The following SYNJ1 variants were observed in gnomAD, a reference collection of about 807,000 sequenced individuals.
The protein encoded by SYNJ1 is synaptojanin 1, also known as polyphosphatidylinositol phosphatase SYNJ1.
SYNJ1 carries 78 observed loss-of-function variants against 168.2 expected under a neutral mutation model. That is an observed-to-expected ratio of 0.46 (90% confidence interval 0.39 to 0.56). The LOEUF (loss-of-function observed/expected upper bound fraction) is 0.56, where lower values mean the gene tolerates loss of function less well. Ranked by LOEUF, SYNJ1 falls within the 20% of genes least tolerant of loss-of-function variation. SYNJ1 has a pLI of 0.00. For missense variants in SYNJ1, 1,303 were observed against 1,597.6 expected (o/e 0.82, Z 3.14); for synonymous variants, 539 against 548.6 (o/e 0.98, Z 0.24).
chr21:32,690,362 CA>C (rs2041978471), intron 6 of SYNJ1, among the ~76,000 whole-genome samples: 2 of 152,186 alleles, frequency 1.3e-5, no homozygotes, highest in Admixed American at 1.3e-4. Context: ...CACACGTCAC[CA>C]TGCCCGAATG....
intron 13 of SYNJ1, among the ~76,000 whole-genome samples, 159 bp downstream of exon 13, chr21:32,676,170 ATTC>A (rs1472825159): frequency 1.3e-5 from 2 of 152,238 alleles, no homozygotes; most frequent in Non-Finnish European, 2.9e-5. Flanking sequence ...CAAGCTTGAA[ATTC>A]TTTTCTCAGA....
At chr21:32,654,904 T>G (rs1164782843) in intron 21 of SYNJ1, among the ~76,000 whole-genome samples, 1 of 152,166 alleles carries the variant, frequency 6.6e-6, no homozygotes, top group East Asian at 1.9e-4. Context: ...GACTAAAAGG[T>G]AATAATCAGT....
rs772164147 is a variant in SYNJ1 at position 32,670,279 on chromosome 21, C to T, written c.1811+9G>A. The T allele has an allele frequency of 6.2e-7, 1 of 1,611,446 alleles. No individual in the cohort carries two copies. The highest frequency in any genetic ancestry group is 8.5e-7 in the Non-Finnish European group (1 of 1,178,888). The stretch of plus-strand genomic sequence containing the variant: ...CAAATTTTTCAGTGGATTAATGTGG[C>T]TAGCTTACCTTGCACTCACAATGTT... On this transcript the variant is annotated intron_variant, in intron 15 of 32. Transcript: ENST00000674351.
chr21:32,700,120 G>C lies in SYNJ1; in HGVS notation c.212-15C>G, dbSNP rs759229598. 6.4e-7 allele frequency: 1 copy of C among 1,567,910 alleles called. No individual in the cohort carries two copies. The highest frequency in any genetic ancestry group is 1.4e-5 in the African/African-American group (1 of 72,864). ...CATAGTATCACCTGCAAAACCCAAA[G>C]ATTTTACTGGATGAAAAATCCCAAC... is the stretch of plus-strand genomic sequence containing the variant. On this transcript the variant is annotated splice_polypyrimidine_tract_variant and intron_variant, in intron 3 of 32. Transcript: ENST00000674351.
intron 23 of SYNJ1, among the ~76,000 whole-genome samples, chr21:32,646,821 G>A (rs985038404): frequency 2.6e-5 from 4 of 152,190 alleles, no homozygotes; most frequent in African/African-American, 9.6e-5. Flanking sequence ...TGAGCAATAA[G>A]ATGTCAGGTG....
chr21:32,694,410 C>T, intron 5 of SYNJ1, 99 bp from the exon 6 acceptor site: 1 of 826,378 alleles, frequency 1.2e-6, no homozygotes, highest in East Asian at 3.3e-5. Flanking sequence ...ATACTAGTTA[C>T]ATTTTATGAT....
At chr21:32,727,804 C>G in intron 1 of SYNJ1, 142 bp downstream of exon 1, 1 of 1,450,186 alleles carries the variant, frequency 6.9e-7, no homozygotes, top group African/African-American at 1.5e-5. Context: ...CGCCCGTCCT[C>G]CCGCACCCCG....
chr21:32,655,059 A>G (rs1247018735), intron 21 of SYNJ1, among the ~76,000 whole-genome samples: 1 of 152,244 alleles, frequency 6.6e-6, no homozygotes, highest in Non-Finnish European at 1.5e-5. Context: ...TTAATGCCTT[A>G]GTTTCTTACC....
intron 27 of SYNJ1, among the ~76,000 whole-genome samples, chr21:32,642,348 C>G (rs1258817904): frequency 1.3e-5 from 2 of 152,102 alleles, no homozygotes; most frequent in East Asian, 3.9e-4. Context: ...TTAGATAGAC[C>G]TTTATGGGAG....
rs997304420 is a variant in SYNJ1, at chr21:32,706,502, A to G, written c.125-4455T>C. Among the ~76,000 whole-genome samples, 4 of 151,972 alleles carry G rather than the reference A, an allele frequency of 2.6e-5. 1 individual carries two copies. The highest frequency in any genetic ancestry group is 5.9e-5 in the Non-Finnish European group (4 of 67,976). ...AATCCACTCAGTTCTGGGGCAAAAA[A>G]AAAAAAAAAGAAGTCCAGAGGAAAA... is the stretch of plus-strand genomic sequence containing the variant. On this transcript the variant is annotated intron_variant, in intron 2 of 32. Coordinates refer to ENST00000674351, the MANE Select transcript of SYNJ1 (RefSeq NM_203446.3).
chr21:32,679,566 G>C (rs955241919), intron 11 of SYNJ1, among the ~76,000 whole-genome samples: 2 of 151,992 alleles, frequency 1.3e-5, no homozygotes, highest in Non-Finnish European at 2.9e-5. Context: ...CAAAAAACTT[G>C]CGTCTTTTAG....
At chr21:32,664,141 ACTT>A (rs1003972439) in intron 18 of SYNJ1, among the ~76,000 whole-genome samples, 1 of 152,204 alleles carries the variant, frequency 6.6e-6, no homozygotes, top group Admixed American at 6.5e-5. Flanking sequence ...TGCTACTTGT[ACTT>A]CTTCAAATGA....
intron 6 of SYNJ1, among the ~76,000 whole-genome samples, chr21:32,693,974 T>C (rs1487780589): frequency 6.6e-6 from 1 of 152,166 alleles, no homozygotes; most frequent in South Asian, 2.1e-4. Flanking sequence ...CAATACACTA[T>C]AAAGACTTCA....
At chr21:32,714,203 G>A (rs1268486747) in intron 2 of SYNJ1, among the ~76,000 whole-genome samples, 3 of 152,132 alleles carry the variant, frequency 2.0e-5, no homozygotes, top group Non-Finnish European at 4.4e-5. Context: ...CTGAAAGGCG[G>A]CCAATGAGGT....
chr21:32,654,987 A>G (rs2040406046), intron 21 of SYNJ1, among the ~76,000 whole-genome samples: 1 of 152,176 alleles, frequency 6.6e-6, no homozygotes, highest in South Asian at 2.1e-4. Context: ...CAACTTAGTC[A>G]TCTTGGGGTT....
At chr21:32,721,940 C>A (rs1362006802) in intron 2 of SYNJ1, among the ~76,000 whole-genome samples, 1 of 151,924 alleles carries the variant, frequency 6.6e-6, no homozygotes, top group Admixed American at 6.6e-5. Flanking sequence ...AATCCCAGCA[C>A]TTTGGGAGGC....
At chr21:32,707,465 T>C (rs562328968) in intron 2 of SYNJ1, among the ~76,000 whole-genome samples, 7 of 151,966 alleles carry the variant, frequency 4.6e-5, no homozygotes, top group African/African-American at 1.7e-4. Context: ...TACTGAGTAG[T>C]ATTAGGACTA....
At chr21:32,705,723 C>T (rs1055672530) in intron 2 of SYNJ1, among the ~76,000 whole-genome samples, 10 of 152,062 alleles carry the variant, frequency 6.6e-5, no homozygotes, top group Non-Finnish European at 1.3e-4. Flanking sequence ...CAGTGGCTCA[C>T]GCCTGTAATC....
At chr21:32,701,152 T>C (rs1381359472) in intron 3 of SYNJ1, among the ~76,000 whole-genome samples, 1 of 152,102 alleles carries the variant, frequency 6.6e-6, no homozygotes, top group Non-Finnish European at 1.5e-5. Context: ...TACCCAGGAG[T>C]AATCAGTAAA....
Sources: gnomAD v4.1 joint callset for allele counts (sites outside exome capture counted in the v4.1 genomes callset) on GRCh38, gnomAD v4.1.1 for gene constraint, MANE v1.5 for transcripts, NCBI Gene and HGNC (gene_info 2026-07-23, HGNC 2026-07-21) for gene names.